Variants in THBS2 observed in about 807,000 individuals in gnomAD.
The protein encoded by THBS2 is thrombospondin-2.
A neutral mutation model predicts 135.2 loss-of-function variants in THBS2; 47 were observed. The ratio of observed to expected loss-of-function variants is 0.35; its 90% CI spans 0.28 to 0.44. THBS2 has a LOEUF of 0.44. Among genes scored for constraint, THBS2 ranks in the 20% least tolerant of loss-of-function variants. The probability of loss-of-function intolerance (pLI) is 1.00; values close to 1 mark genes in which losing one functional copy is unlikely to be tolerated. For missense variants in THBS2, 1,288 were observed against 1,603.1 expected (o/e 0.80, Z 3.36); for synonymous variants, 639 against 633.8 (o/e 1.01, Z -0.12).
intron 1 of THBS2, among the ~76,000 whole-genome samples, chr6:169,251,039 C>T (rs1280331646): frequency 3.3e-5 from 5 of 152,204 alleles, no homozygotes; most frequent in Non-Finnish European, 7.3e-5. Flanking sequence ...CTGCACATCA[C>T]GTTCTAAATA....
At position 169,248,625 on chromosome 6, in the gene THBS2, C is replaced by A. The variant is rs1433091559; in HGVS notation, c.401G>T (p.Arg134Leu). The change falls in exon 3 of 22, where the codon CGG (arginine) becomes CTG (leucine). Residue 134 changes from arginine to leucine, a missense_variant. By Grantham distance (102) the Arg-to-Leu change is moderately radical. Coordinates refer to ENST00000617924, the MANE Select transcript of THBS2 (RefSeq NM_003247.5). ...GACGTCCTCCAGGGAGACCACATGCCGGGTGCCGTCAATCCAGTAGGTGAG... is the reference window on the plus strand; with the variant it reads ...GACGTCCTCCAGGGAGACCACATGCAGGGTGCCGTCAATCCAGTAGGTGAG... ...LDLTYWIDGT[R>L]HVVSLEDVGL... The A allele has an allele frequency of 6.2e-7, 1 of 1,614,046 alleles. No homozygotes were observed. The highest frequency in any genetic ancestry group is 8.5e-7 in the Non-Finnish European group (1 of 1,180,036).
chr6:169,232,824 G>A lies in THBS2; in HGVS notation c.1780-8C>T. On this transcript the variant is annotated splice_region_variant and splice_polypyrimidine_tract_variant and intron_variant, in intron 11 of 21. Transcript: ENST00000617924. ...GTCGGGGACCAGGGCACACTGCGGG[G>A]ACAAGCAGACATGAGAGGCCGCTCC... 3 of 1,611,958 alleles carry A rather than the reference G, an allele frequency of 1.9e-6. No homozygotes were observed. The highest frequency in any genetic ancestry group is 2.2e-5 in the South Asian group (2 of 90,810).
chr6:169,237,489 G>T, intron 8 of THBS2, 136 bp downstream of exon 8: 1 of 1,495,074 alleles, frequency 6.7e-7, no homozygotes. Context: ...GGGAGAAAGA[G>T]CCTCACCTGG....
chr6:169,218,667 GGGCGGATGAGTA>G (rs1391353456), intron 21 of THBS2, among the ~76,000 whole-genome samples: 7 of 121,444 alleles, frequency 5.8e-5, no homozygotes, highest in African/African-American at 1.6e-4. Context: ...TGAGATGGAT[GGGCGGATGAGTA>G]GATGGATGGA....
Position 169,225,393 on chromosome 6 carries a change from C to A in THBS2, c.2539-14G>T. The A allele has an allele frequency of 6.4e-7, 1 of 1,551,886 alleles. No homozygotes were observed. The highest frequency in any genetic ancestry group is 8.7e-7 in the Non-Finnish European group (1 of 1,146,830). On this transcript the variant is annotated splice_polypyrimidine_tract_variant and intron_variant, in intron 16 of 21. Transcript: ENST00000617924. ...GTCCACGTCGGTCTAGGGGATGGGGCGTGAGAGAAACAGCAGAGGACTGCC... is the reference window on the plus strand; with the variant it reads ...GTCCACGTCGGTCTAGGGGATGGGGAGTGAGAGAAACAGCAGAGGACTGCC...
intron 14 of THBS2, among the ~76,000 whole-genome samples, chr6:169,228,698 C>T (rs1421423953): frequency 6.6e-6 from 1 of 152,138 alleles, no homozygotes; most frequent in Non-Finnish European, 1.5e-5. Flanking sequence ...CCAAGGCAGG[C>T]GGGTCACCTG....
intron 4 of THBS2, among the ~76,000 whole-genome samples, chr6:169,243,168 A>ACCTTCCCC (rs1780430385): frequency 2.9e-5 from 1 of 34,042 alleles, no homozygotes; most frequent in East Asian, 8.5e-4. Context: ...CCACATTCCC[A>ACCTTCCCC]CCTCTCCCAC....
At chr6:169,235,480 C>T (rs950568175) in intron 9 of THBS2, among the ~76,000 whole-genome samples, 7 of 152,098 alleles carry the variant, frequency 4.6e-5, no homozygotes, top group Non-Finnish European at 7.4e-5. Context: ...CCTGCACACC[C>T]TCTTTTTCTC....
intron 7 of THBS2, chr6:169,239,241 A>C: frequency 6.6e-6 from 2 of 302,302 alleles, no homozygotes. Context: ...GTGTACAGTG[A>C]TCACTTGCTG....
At chr6:169,242,069 G>A in intron 4 of THBS2, 111 bp from the exon 5 acceptor site, 2 of 1,249,342 alleles carry the variant, frequency 1.6e-6, no homozygotes, top group South Asian at 1.5e-5. Context: ...GCCTGGTGCT[G>A]GGAGACACAA....
At position 169,217,801 on chromosome 6, in the gene THBS2, C is replaced by T. The variant is rs182421013; in HGVS notation, c.*21G>A. The T allele has an allele frequency of 3.8e-3, 6,177 of 1,610,290 alleles. 40 individuals are homozygous for T. Among genetic ancestry groups the T allele is most frequent in the Middle Eastern group, 0.016 (98 of 5,974 alleles). On this transcript the variant is annotated 3_prime_UTR_variant, in exon 22 of 22. Transcript: ENST00000617924. ...GACCATGGCATGCACAGGGCATTGC[C>T]GGAAATGCAGCAAATCTTGTTTAAA...
intron 16 of THBS2, 107 bp from the exon 17 acceptor site, chr6:169,225,486 C>T (rs1779596681): frequency 4.2e-6 from 5 of 1,186,192 alleles, no homozygotes; most frequent in Non-Finnish European, 2.4e-6. Context: ...TCCTGCAGCA[C>T]AAGCCCCAGG....
intron 4 of THBS2, 103 bp downstream of exon 4, chr6:169,246,094 T>C: frequency 1.1e-6 from 1 of 916,540 alleles, no homozygotes; most frequent in Non-Finnish European, 1.6e-6. Context: ...CTTAAATTTT[T>C]ACAAGCATGA....
At chr6:169,228,925 AGTT>A (rs1393638574) in intron 14 of THBS2, among the ~76,000 whole-genome samples, 10 of 111,128 alleles carry the variant, frequency 9.0e-5, no homozygotes, top group Admixed American at 1.8e-4. Flanking sequence ...AAAAAAAAAG[AGTT>A]AGCCCTCGCC....
At chr6:169,237,979 T>A (rs1002811348) in intron 7 of THBS2, among the ~76,000 whole-genome samples, 184 bp from the exon 8 acceptor site, 6 of 152,180 alleles carry the variant, frequency 3.9e-5, no homozygotes, top group African/African-American at 1.4e-4. Context: ...GGACCCAAGT[T>A]TGTGACCTGC....
At position 169,252,924 on chromosome 6, in the gene THBS2, C is replaced by A. The variant is rs1249799425; in HGVS notation, c.-23+800G>T. ...GAGCTAATTGTTTACCGGCCGTCCACCACCAACAGCAGTCTGATTAAACAC... is the reference window on the plus strand; with the variant it reads ...GAGCTAATTGTTTACCGGCCGTCCAACACCAACAGCAGTCTGATTAAACAC... On this transcript the variant is annotated intron_variant, in intron 1 of 21. Coordinates refer to ENST00000617924, the MANE Select transcript of THBS2 (RefSeq NM_003247.5). The surrounding 1 kb of genome is among the most constrained non-coding windows in gnomAD (Gnocchi z 4.3). 1.3e-5 allele frequency among the ~76,000 whole-genome samples: 2 copies of A among 152,214 alleles called. No homozygotes were observed. Among genetic ancestry groups the A allele is most frequent in the African/African-American group, 4.8e-5 (2 of 41,456 alleles).
At chr6:169,221,616 A>T in intron 19 of THBS2, 89 bp from the exon 20 acceptor site, 1 of 1,148,578 alleles carries the variant, frequency 8.7e-7, no homozygotes, top group Non-Finnish European at 1.3e-6. Context: ...CAAAAACATG[A>T]CTTTGCAAGT....
rs1205348524 is a variant in THBS2, at chr6:169,237,209, C to T, written c.1438G>A (p.Gly480Ser). The T allele has an allele frequency of 1.9e-6, 3 of 1,612,260 alleles. No homozygotes were observed. Among genetic ancestry groups the T allele is most frequent in the Non-Finnish European group, 1.7e-6 (2 of 1,179,922 alleles). ...QMGGKNCKGS[G>S]RETKACQGAP... Reference sequence around the variant, plus strand: ...CCCTGGCAGGCTTTGGTCTCCCGGCCACTCCCTTTGCAATTCTTGCCCCCC... The same window carrying T: ...CCCTGGCAGGCTTTGGTCTCCCGGCTACTCCCTTTGCAATTCTTGCCCCCC... Residue 480 changes from glycine (G) to serine (S), a missense_variant, in exon 9 of 22, where the codon GGC (glycine) becomes AGC (serine). Coordinates refer to ENST00000617924, the MANE Select transcript of THBS2 (RefSeq NM_003247.5).
At chr6:169,217,950 A>C in intron 21 of THBS2, 121 bp from the exon 22 acceptor site, 1 of 725,680 alleles carries the variant, frequency 1.4e-6, no homozygotes, top group South Asian at 2.0e-5. Context: ...GATCTATCAT[A>C]TGGATGGATG....
Sources: allele counts gnomAD v4.1 joint callset (sites outside exome capture counted in the v4.1 genomes callset), GRCh38; gene constraint gnomAD v4.1.1; non-coding constraint Gnocchi (gnomAD v3.1); transcripts MANE v1.5; gene names NCBI Gene and HGNC (gene_info 2026-07-23, HGNC 2026-07-21).